Variants in DOCK1 observed in about 807,000 individuals in gnomAD.
The protein encoded by DOCK1 is dedicator of cytokinesis protein 1.
A neutral mutation model predicts 262.7 loss-of-function variants in DOCK1; 138 were observed. The ratio of observed to expected loss-of-function variants is 0.53; its 90% CI spans 0.46 to 0.61. The LOEUF is 0.61. Ranked by LOEUF, DOCK1 falls within the 20% of genes least tolerant of loss-of-function variation. The probability of loss-of-function intolerance (pLI) is 0.00; values close to 1 mark genes in which losing one functional copy is unlikely to be tolerated. For missense variants in DOCK1, 1,908 were observed against 2,370.7 expected (o/e 0.80, Z 4.05); for synonymous variants, 866 against 867.4 (o/e 1.00, Z 0.03).
intron 18 of DOCK1, 89 bp from the exon 19 acceptor site, chr10:127,037,618 GTTCACAAAATTT>G: frequency 9.7e-7 from 1 of 1,026,458 alleles, no homozygotes; most frequent in Non-Finnish European, 1.4e-6. Context: ...TGATTTCTCT[GTTCACAAAATTT>G]TATAGAGAAC....
At chr10:127,308,270 G>A (rs183475999) in intron 29 of DOCK1, among the ~76,000 whole-genome samples, 155 of 152,316 alleles carry the variant, frequency 1.0e-3, no homozygotes, top group African/African-American at 3.5e-3. Flanking sequence ...AGTCCCTTCA[G>A]TGTGGGGCCT....
chr10:127,398,304 G>C (rs2067033402), intron 38 of DOCK1, among the ~76,000 whole-genome samples: 1 of 152,198 alleles, frequency 6.6e-6, no homozygotes, highest in South Asian at 2.1e-4. Flanking sequence ...GGTGATGCTT[G>C]CAAAGGGTCT....
intron 38 of DOCK1, among the ~76,000 whole-genome samples, chr10:127,401,015 G>A (rs1409123065): frequency 6.6e-6 from 1 of 152,112 alleles, no homozygotes; most frequent in Non-Finnish European, 1.5e-5. Flanking sequence ...AGCCTTTTGA[G>A]ATCTTTTCAG....
At chr10:127,130,454 G>A (rs2050254924) in intron 27 of DOCK1, among the ~76,000 whole-genome samples, 1 of 152,142 alleles carries the variant, frequency 6.6e-6, no homozygotes, top group Non-Finnish European at 1.5e-5. Flanking sequence ...AGTTAAACTG[G>A]AGGGAAGAGG....
At chr10:126,972,541 G>A (rs560257045) in intron 2 of DOCK1, among the ~76,000 whole-genome samples, 198 of 152,222 alleles carry the variant, frequency 1.3e-3, no homozygotes, top group Non-Finnish European at 2.2e-3. Flanking sequence ...TTTTCACAGA[G>A]GTTTTTTAGC....
chr10:127,032,334 G>C lies in DOCK1; in HGVS notation c.1912+14G>C. The stretch of plus-strand genomic sequence containing the variant: ...TGACTCAGAACGGTGCGTTCGAGAG[G>C]AGAAACACACTCACCCCAGGAGCTC... On this transcript the variant is annotated intron_variant, in intron 18 of 51. Transcript: ENST00000623213. 6.7e-7 allele frequency: 1 copy of C among 1,502,360 alleles called. No individual in the cohort carries two copies. Among genetic ancestry groups the C allele is most frequent in the South Asian group, 1.4e-5 (1 of 72,476 alleles). The allele number at this position is 1,502,360 out of a possible 1,614,324, so 93.1% of individuals were successfully genotyped here.
intron 1 of DOCK1, among the ~76,000 whole-genome samples, chr10:126,914,636 G>T (rs2032251201): frequency 6.6e-6 from 1 of 152,166 alleles, no homozygotes. Context: ...AAAGTGCAGG[G>T]ATTAGAGATG....
At chr10:127,187,443 C>A (rs1234025599) in intron 27 of DOCK1, among the ~76,000 whole-genome samples, 1 of 152,214 alleles carries the variant, frequency 6.6e-6, no homozygotes, top group Non-Finnish European at 1.5e-5. Flanking sequence ...CAAAACCTCA[C>A]ATGACCCCTG....
intron 25 of DOCK1, among the ~76,000 whole-genome samples, chr10:127,118,296 T>A (rs2049315785): frequency 6.6e-6 from 1 of 152,196 alleles, no homozygotes; most frequent in Non-Finnish European, 1.5e-5. Context: ...CCAATTCTTC[T>A]CACACAGTGT....
Position 127,433,298 on chromosome 10 carries a change from G to A in DOCK1, c.4930G>A (p.Asp1644Asn), listed in dbSNP as rs1565088975. 1.2e-6 allele frequency: 2 copies of A among 1,613,994 alleles called. No individual in the cohort carries two copies. Among genetic ancestry groups the A allele is most frequent in the Non-Finnish European group, 1.7e-6 (2 of 1,179,888 alleles). Residue 1644 changes from aspartate (D) to asparagine (N), a missense_variant, in exon 48 of 52, where the codon GAT becomes AAT. This residue lies in a region of DOCK1 where 383 missense variants were observed against 420.1 expected (regional missense o/e 0.91). Transcript: ENST00000623213. ...TCGCTCTCAGCCCTCAAGTCTGGAT[G>A]ATAGAAGAGGCAGCCGCCCCCGGTC... ...GVRIMPSSLD[D>N]RRGSRPRSMV...
intron 27 of DOCK1, among the ~76,000 whole-genome samples, chr10:127,182,232 G>A (rs560618857): frequency 3.4e-4 from 52 of 152,270 alleles, no homozygotes; most frequent in African/African-American, 1.1e-3. Flanking sequence ...TGTAGGCATC[G>A]AGGCAGAAGA....
chr10:126,994,530 G>T (rs192718729), intron 6 of DOCK1, among the ~76,000 whole-genome samples: 1 of 152,148 alleles, frequency 6.6e-6, no homozygotes, highest in Non-Finnish European at 1.5e-5. Flanking sequence ...CTCTTAAGGA[G>T]CATGCTGCCT....
At chr10:127,078,786 C>T (rs1211677033) in intron 23 of DOCK1, among the ~76,000 whole-genome samples, 1 of 152,160 alleles carries the variant, frequency 6.6e-6, no homozygotes, top group Admixed American at 6.5e-5. Flanking sequence ...TTACAGCAAC[C>T]TGGATGGAGT....
intron 48 of DOCK1, among the ~76,000 whole-genome samples, chr10:127,434,809 TG>T (rs892338733): frequency 2.6e-4 from 39 of 152,086 alleles, no homozygotes; most frequent in Admixed American, 2.6e-3. Context: ...CATGCCACCA[TG>T]CCTGGCCAAT....
intron 23 of DOCK1, among the ~76,000 whole-genome samples, chr10:127,098,383 A>G (rs1403605561): frequency 1.3e-5 from 2 of 152,192 alleles, no homozygotes; most frequent in Non-Finnish European, 2.9e-5. Context: ...AGAGATGTGC[A>G]CGCTGAGGAG....
intron 46 of DOCK1, among the ~76,000 whole-genome samples, chr10:127,421,056 G>A (rs2068479604): frequency 6.6e-6 from 1 of 151,886 alleles, no homozygotes; most frequent in Non-Finnish European, 1.5e-5. Context: ...AGCTGGGACT[G>A]CAAGTGTGCA....
Position 127,381,369 on chromosome 10 carries a change from G to T in DOCK1, c.3807+1G>T. 1 of 1,608,432 alleles carries T rather than the reference G, an allele frequency of 6.2e-7. No homozygotes were observed. The highest frequency in any genetic ancestry group is 8.5e-7 in the Non-Finnish European group (1 of 1,176,682). ...GCTTCTCCATGCAAAGCTTCTTAAGGTAATGTCAATTACCAGTCACCTTGA... is the reference window on the plus strand; with the variant it reads ...GCTTCTCCATGCAAAGCTTCTTAAGTTAATGTCAATTACCAGTCACCTTGA... On this transcript the variant is annotated splice_donor_variant, in intron 37 of 51. Transcript: ENST00000623213. LOFTEE classifies it high-confidence loss of function.
intron 29 of DOCK1, among the ~76,000 whole-genome samples, chr10:127,274,996 C>T (rs544685039): frequency 6.6e-6 from 1 of 152,248 alleles, no homozygotes; most frequent in African/African-American, 2.4e-5. Flanking sequence ...CTGGTTAATT[C>T]TCAGGTGCCC....
chr10:127,176,426 T>G lies in DOCK1; in HGVS notation c.2847+48662T>G, dbSNP rs767960034. The G allele has an allele frequency of 6.4e-7, 1 of 1,558,070 alleles. No individual in the cohort carries two copies. Among genetic ancestry groups the G allele is most frequent in the Non-Finnish European group, 8.7e-7 (1 of 1,150,450 alleles). On this transcript the variant is annotated intron_variant, in intron 27 of 51. Transcript: ENST00000623213. The surrounding 1 kb of genome is among the most constrained non-coding windows in gnomAD (Gnocchi z 4.4). ...CTGCATTCAGAAACAGCAACAGAGG[T>G]GTCAGTGGGACAGAAATACACACTC...
Sources: gnomAD v4.1 joint callset for allele counts (sites outside exome capture counted in the v4.1 genomes callset) on GRCh38, gnomAD v4.1.1 for gene constraint, gnomAD v4.1.1 regional missense constraint, Gnocchi (gnomAD v3.1) non-coding constraint, MANE v1.5 for transcripts, NCBI Gene and HGNC (gene_info 2026-07-23, HGNC 2026-07-21) for gene names.